The following FSTL3 variants were observed in gnomAD, a reference collection of about 807,000 sequenced individuals.
The protein encoded by FSTL3 is follistatin like 3.
A neutral mutation model predicts 28.1 loss-of-function variants in FSTL3; 21 were observed. The ratio of observed to expected loss-of-function variants is 0.75; its 90% CI spans 0.53 to 1.08. The LOEUF is 1.08. Ranked by LOEUF, FSTL3 falls within the 50% of genes least tolerant of loss-of-function variation. The probability of loss-of-function intolerance (pLI) is 0.00; values close to 1 mark genes in which losing one functional copy is unlikely to be tolerated. For missense variants in FSTL3, 400 were observed against 380.9 expected (o/e 1.05, Z -0.42); for synonymous variants, 199 against 164.2 (o/e 1.21, Z -1.62).
At position 681,746 on chromosome 19, in the gene FSTL3, C is replaced by A. The variant is rs758290122; in HGVS notation, c.*38C>A. On this transcript the variant is annotated 3_prime_UTR_variant, in exon 5 of 5. Coordinates refer to ENST00000166139, the MANE Select transcript of FSTL3 (RefSeq NM_005860.3). ...GGCCTGGGCCTGGTGCCCGAGGCCC[C>A]CCATCATCCCCTGTTATTTATTGCC... The A allele has an allele frequency of 6.7e-7, 1 of 1,484,388 alleles. No individual in the cohort carries two copies. Among genetic ancestry groups the A allele is most frequent in the East Asian group, 2.5e-5 (1 of 40,624 alleles). The allele number at this position is 1,484,388 out of a possible 1,614,324, so 92.0% of individuals were successfully genotyped here.
In FSTL3 at chr19:680,543, C is replaced by T. The variant is rs928374882; in HGVS notation, c.505+54C>T. 8 of 1,006,308 alleles carry T rather than the reference C, an allele frequency of 7.9e-6. No individual in the cohort carries two copies. The Admixed American group carries it at 1.4e-4, about 17-fold the overall frequency. The allele number at this position is 1,006,308 out of a possible 1,614,324, so 62.3% of individuals were successfully genotyped here. ...CGGGGCGGGACCTACCGGACCTGCG[C>T]GTCATGTATCGAGGCTGCTGCCGCA... On this transcript the variant is annotated intron_variant, in intron 3 of 4. Transcript: ENST00000166139.
intron 4 of FSTL3, 42 bp downstream of exon 4, chr19:681,602 G>A (rs1039741665): frequency 1.1e-5 from 18 of 1,594,706 alleles, no homozygotes; most frequent in African/African-American, 8.0e-5. Context: ...CCTGGGGGCC[G>A]GAGAACCCCC....
rs1353426918 is a variant in FSTL3, at chr19:677,963, G to A, written c.275G>A (p.Cys92Tyr). 6.2e-7 allele frequency: 1 copy of A among 1,612,898 alleles called. No homozygotes were observed. The highest frequency in any genetic ancestry group is 1.3e-5 in the African/African-American group (1 of 74,922). The change falls in exon 2 of 5, where the codon TGC (cysteine) becomes TAC (tyrosine). Residue 92 changes from cysteine (C) to tyrosine (Y), a missense_variant. Coordinates refer to ENST00000166139, the MANE Select transcript of FSTL3 (RefSeq NM_005860.3). The stretch of plus-strand genomic sequence containing the variant: ...CTCGGCTTCTTGGGCCTTGTCCACT[G>A]CCTTCCCTGCAAAGGTGAGACCTCA... ...NLLGFLGLVHCLPCKDSCDGV... is the reference protein window; with the variant it reads ...NLLGFLGLVHYLPCKDSCDGV...
At chr19:680,124 G>C in intron 2 of FSTL3, 150 bp from the exon 3 acceptor site, 1 of 371,230 alleles carries the variant, frequency 2.7e-6, no homozygotes, top group Non-Finnish European at 4.6e-6. Flanking sequence ...GGGAACCCGA[G>C]GGCCCCGACT....
chr19:680,502 G>T lies in FSTL3; in HGVS notation c.505+13G>T. The T allele has an allele frequency of 8.1e-7, 1 of 1,233,370 alleles. No individual in the cohort carries two copies. Among genetic ancestry groups the T allele is most frequent in the South Asian group, 3.5e-5 (1 of 28,916 alleles). The allele number at this position is 1,233,370 out of a possible 1,614,324, so 76.4% of individuals were successfully genotyped here. A position where few individuals can be genotyped will look rare whatever the true frequency, so the allele number is the denominator to read the frequency against. On this transcript the variant is annotated intron_variant, in intron 3 of 4. Transcript: ENST00000166139. ...GGCCGCTGCCGCAGTACGTGGGGGC[G>T]TGGTCTGTGGAGGGGCGGGGCGGGA...
chr19:677,580 G>T (rs115957431), intron 1 of FSTL3, among the ~76,000 whole-genome samples: 5 of 151,874 alleles, frequency 3.3e-5, no homozygotes, highest in East Asian at 3.9e-4. Flanking sequence ...GAGGCTGTGG[G>T]GGGGGGCACG....
rs962027915 is a variant in FSTL3 at position 677,340 on chromosome 19, G to C, written c.104-452G>C. The stretch of plus-strand genomic sequence containing the variant: ...CCAAGTTGGAGTGAGTAAGAGGCGG[G>C]CCAGGCGGTGGGGGGGCTGCCAGGC... On this transcript the variant is annotated intron_variant, in intron 1 of 4. Coordinates refer to ENST00000166139, the MANE Select transcript of FSTL3 (RefSeq NM_005860.3). 9.9e-4 allele frequency among the ~76,000 whole-genome samples: 151 copies of C among 152,324 alleles called. 1 individual carries two copies. The highest frequency in any genetic ancestry group is 9.8e-4 in the Non-Finnish European group (67 of 68,028).
At chr19:681,195 CG>C (rs28364867) in intron 3 of FSTL3, 137 bp from the exon 4 acceptor site, 1 of 560,808 alleles carries the variant, frequency 1.8e-6, no homozygotes, top group Admixed American at 3.5e-5. Flanking sequence ...GGGGGGCTCA[CG>C]GGGGGCGGGG....
rs923486350 is a variant in FSTL3 at position 681,732 on chromosome 19, G to A, written c.*24G>A. ...GAGCCTGCAGGACAGGCCTGGGCCTGGTGCCCGAGGCCCCCCATCATCCCC... is the reference window on the plus strand; with the variant it reads ...GAGCCTGCAGGACAGGCCTGGGCCTAGTGCCCGAGGCCCCCCATCATCCCC... On this transcript the variant is annotated 3_prime_UTR_variant, in exon 5 of 5. Transcript: ENST00000166139. 1.5e-5 allele frequency: 23 copies of A among 1,536,402 alleles called. No individual in the cohort carries two copies. Among genetic ancestry groups the A allele is most frequent in the Non-Finnish European group, 2.0e-5 (23 of 1,135,410 alleles).
chr19:680,200 C>T (rs1021210338), intron 2 of FSTL3, 74 bp from the exon 3 acceptor site: 85 of 1,001,712 alleles, frequency 8.5e-5, no homozygotes, highest in Non-Finnish European at 1.1e-4. Flanking sequence ...AGGGAGGGGC[C>T]CCGAGGCCTT....
intron 3 of FSTL3, chr19:680,943 G>T (rs58265572): frequency 0.099 from 28,160 of 283,338 alleles, 1,720 homozygotes; most frequent in Non-Finnish European, 0.11. Flanking sequence ...AACCAGAGGG[G>T]CATGATGGAA....
Position 676,544 on chromosome 19 carries a change from AGGGGCGGGCGGG to A in FSTL3, c.103+20_103+31del. On this transcript the variant is annotated intron_variant, in intron 1 of 4. Transcript: ENST00000166139. ...CGCGCCCGGTGAGTGGGGCGGCCAG[AGGGGCGGGCGGG>A]GCGGGCCACCCACGTGGGGCTGCGC... 2.0e-6 allele frequency: 1 copy of A among 489,490 alleles called. No individual in the cohort carries two copies. Among genetic ancestry groups the A allele is most frequent in the Non-Finnish European group, 2.7e-6 (1 of 376,878 alleles). The allele number at this position is 489,490 out of a possible 1,614,324, so 30.3% of individuals were successfully genotyped here.
At chr19:680,696 G>T in intron 3 of FSTL3, 1 of 370,740 alleles carries the variant, frequency 2.7e-6, no homozygotes, top group Non-Finnish European at 4.8e-6. Context: ...GCCTGCTGGA[G>T]GGGCGGGGCC....
Position 680,459 on chromosome 19 carries a change from C to T in FSTL3, c.475C>T (p.Leu159=), listed in dbSNP as rs1042943336. The change falls in exon 3 of 5, where the codon CTG becomes TTG. Residue 159 remains leucine, a synonymous_variant. Transcript: ENST00000166139. ...RAARCRGHPD[L]SVMYRGRCRK... Reference sequence around the variant, plus strand: ...CGCGCGCTGCCGCGGCCACCCGGACCTGAGCGTCATGTACCGGGGCCGCTG... The same window carrying T: ...CGCGCGCTGCCGCGGCCACCCGGACTTGAGCGTCATGTACCGGGGCCGCTG... The T allele has an allele frequency of 2.4e-6, 3 of 1,259,254 alleles. No individual in the cohort carries two copies. Among genetic ancestry groups the T allele is most frequent in the Middle Eastern group, 3.1e-4 (1 of 3,276 alleles). The allele number at this position is 1,259,254 out of a possible 1,614,324, so 78.0% of individuals were successfully genotyped here.
chr19:681,535 C>T lies in FSTL3; in HGVS notation c.708C>T (p.Gly236=), dbSNP rs1224051672. 3.1e-6 allele frequency: 5 copies of T among 1,607,588 alleles called. No individual in the cohort carries two copies. The highest frequency in any genetic ancestry group is 2.2e-5 in the East Asian group (1 of 44,838). Residue 236 remains glycine, a synonymous_variant, in exon 4 of 5, where the codon GGC becomes GGT. Transcript: ENST00000166139. The stretch of plus-strand genomic sequence containing the variant: ...CCTGCTTCCTGGGCCGCTCCATCGG[C>T]GTGCGCCACGCGGGCAGCTGCGCAG... ...QATCFLGRSI[G]VRHAGSCAGT...
rs2031373525 is a variant in FSTL3 at position 683,034 on chromosome 19, C to A, written c.*1326C>A. 4.3e-6 allele frequency: 1 copy of A among 232,956 alleles called. No individual in the cohort carries two copies. Among genetic ancestry groups the A allele is most frequent in the Non-Finnish European group, 8.5e-6 (1 of 117,890 alleles). 14.4% of individuals were successfully genotyped at this position (232,956 alleles called of 1,614,324 possible). Reference sequence around the variant, plus strand: ...AGACCTGCCTCACCCACCAATGCAGCCGGGGCTGGCGACACCAGCCAGGTG... The same window carrying A: ...AGACCTGCCTCACCCACCAATGCAGACGGGGCTGGCGACACCAGCCAGGTG... On this transcript the variant is annotated 3_prime_UTR_variant, in exon 5 of 5. Coordinates refer to ENST00000166139, the MANE Select transcript of FSTL3 (RefSeq NM_005860.3).
chr19:678,057 C>T (rs537148328), intron 2 of FSTL3, 80 bp downstream of exon 2: 13 of 1,354,118 alleles, frequency 9.6e-6, no homozygotes, highest in African/African-American at 1.4e-5. Flanking sequence ...GAGGGCCGAA[C>T]GTCCAGGGAC....
rs1290798662 is a variant in FSTL3, at chr19:681,812, G to T, written c.*104G>T. ...TTATATGCCACGGACACTCCTTAGAGCCCGGATTCGGACCACTTGGGGATC... is the reference window on the plus strand; with the variant it reads ...TTATATGCCACGGACACTCCTTAGATCCCGGATTCGGACCACTTGGGGATC... On this transcript the variant is annotated 3_prime_UTR_variant, in exon 5 of 5. Transcript: ENST00000166139. 1.6e-5 allele frequency: 17 copies of T among 1,038,626 alleles called. No individual in the cohort carries two copies. The highest frequency in any genetic ancestry group is 2.3e-5 in the Non-Finnish European group (16 of 691,108). The allele number at this position is 1,038,626 out of a possible 1,614,324, so 64.3% of individuals were successfully genotyped here.
Position 681,833 on chromosome 19 carries a change from G to T in FSTL3, c.*125G>T, listed in dbSNP as rs1246292600. On this transcript the variant is annotated 3_prime_UTR_variant, in exon 5 of 5. Transcript: ENST00000166139. ...TAGAGCCCGGATTCGGACCACTTGG[G>T]GATCCCAGAACCTCCCTGACGATAT... 1 of 864,760 alleles carries T rather than the reference G, an allele frequency of 1.2e-6. No individual in the cohort carries two copies. The highest frequency in any genetic ancestry group is 1.8e-6 in the Non-Finnish European group (1 of 540,754). 53.6% of individuals were successfully genotyped at this position (864,760 alleles called of 1,614,324 possible).
Sources: allele counts gnomAD v4.1 joint callset (sites outside exome capture counted in the v4.1 genomes callset), GRCh38; gene constraint gnomAD v4.1.1; transcripts MANE v1.5; gene names NCBI Gene and HGNC (gene_info 2026-07-23, HGNC 2026-07-21).